SPECC1: variants seen among roughly 807,000 people sequenced by gnomAD.
The protein encoded by SPECC1 is sperm antigen with calponin homology and coiled-coil domains 1.
SPECC1 carries 62 observed loss-of-function variants against 104.1 expected under a neutral mutation model. The ratio of observed to expected loss-of-function variants is 0.60; its 90% CI spans 0.49 to 0.74. The LOEUF is 0.74. Among genes scored for constraint, SPECC1 ranks in the 30% least tolerant of loss-of-function variants. SPECC1 has a pLI of 0.00. For synonymous variants in SPECC1, 513 were observed against 501.6 expected, an observed-to-expected ratio of 1.02 and a Z score of -0.30; for missense variants, 1,306 against 1,310.5, an observed-to-expected ratio of 1.00 and a Z score of 0.05.
intron 1 of SPECC1, among the ~76,000 whole-genome samples, chr17:20,078,487 T>C (rs1331125823): frequency 6.6e-6 from 1 of 152,078 alleles, no homozygotes; most frequent in African/African-American, 2.4e-5. Context: ...ACGTGTCATT[T>C]CCCATGCAAC....
chr17:20,236,393 CTG>C (rs147190514), intron 7 of SPECC1, among the ~76,000 whole-genome samples: 37,717 of 151,996 alleles, frequency 0.25, 5,855 homozygotes, highest in African/African-American at 0.45. Context: ...TTCTAAAGAG[CTG>C]TGTCTGCCTC....
chr17:20,077,006 G>A (rs1597656599), intron 1 of SPECC1, among the ~76,000 whole-genome samples: 1 of 152,138 alleles, frequency 6.6e-6, no homozygotes, highest in East Asian at 1.9e-4. Flanking sequence ...TTATGGGATC[G>A]TAATGCTGGC....
chr17:20,082,963 TTCGTTCGTTC>T (rs1225179535), intron 1 of SPECC1, among the ~76,000 whole-genome samples: 6 of 42,908 alleles, frequency 1.4e-4, no homozygotes, highest in African/African-American at 3.9e-4. Context: ...TTGGTGTTCG[TTCGTTCGTTC>T]GTTCGTTCGT....
At chr17:20,028,186 C>T (rs911386567) in intron 1 of SPECC1, among the ~76,000 whole-genome samples, 5 of 150,230 alleles carry the variant, frequency 3.3e-5, no homozygotes, top group African/African-American at 1.2e-4. Flanking sequence ...GTCTTGTTGA[C>T]CTTTTTGAAA....
chr17:20,282,190 G>C (rs1371298873), intron 12 of SPECC1, among the ~76,000 whole-genome samples: 1 of 152,350 alleles, frequency 6.6e-6, no homozygotes. Context: ...AATGGAGGAA[G>C]CAAGAAAGAC....
chr17:20,104,320 G>A (rs768646421), intron 2 of SPECC1, among the ~76,000 whole-genome samples: 10 of 152,202 alleles, frequency 6.6e-5, no homozygotes, highest in Non-Finnish European at 1.3e-4. Context: ...ATTCTCTGCT[G>A]TTTGTGCTCT....
At chr17:20,159,244 G>A (rs8080892) in intron 3 of SPECC1, among the ~76,000 whole-genome samples, 5,952 of 152,162 alleles carry the variant, frequency 0.039, 226 homozygotes, top group African/African-American at 0.094. Context: ...CATGCCTGGC[G>A]TAGAGATGGG....
chr17:20,099,218 A>C (rs1482781643), intron 2 of SPECC1, among the ~76,000 whole-genome samples: 1 of 152,070 alleles, frequency 6.6e-6, no homozygotes, highest in Non-Finnish European at 1.5e-5. Flanking sequence ...TTTTGTTTTT[A>C]TTATTTTCAA....
chr17:20,110,637 C>CCCAT, intron 3 of SPECC1, 75 bp downstream of exon 3: 1 of 1,419,152 alleles, frequency 7.0e-7, no homozygotes, highest in East Asian at 2.6e-5. Flanking sequence ...TGACCCATGA[C>CCCAT]CCATCCATTC....
intron 3 of SPECC1, chr17:20,156,032 G>A: frequency 1.6e-6 from 2 of 1,277,636 alleles, no homozygotes; most frequent in East Asian, 3.2e-5. Context: ...GGAGAGCAGC[G>A]GCTCCGCCGG....
intron 1 of SPECC1, among the ~76,000 whole-genome samples, chr17:20,052,600 T>G (rs2045815803): frequency 6.6e-6 from 1 of 152,158 alleles, no homozygotes; most frequent in Non-Finnish European, 1.5e-5. Context: ...CAGTGACATC[T>G]CCAAGATACC....
Position 20,236,862 on chromosome 17 carries a change from C to T in SPECC1, c.2351+4457C>T, listed in dbSNP as rs774932112. ...CCCTCCCGTTTCTATTTTCACAGCTCCCTGGGCTCTGTCAGCTAGCAGAGC... is the reference window on the plus strand; with the variant it reads ...CCCTCCCGTTTCTATTTTCACAGCTTCCTGGGCTCTGTCAGCTAGCAGAGC... On this transcript the variant is annotated intron_variant, in intron 7 of 14. Transcript: ENST00000395527. The T allele has an allele frequency of 9.9e-6, 16 of 1,613,708 alleles. No individual in the cohort carries two copies. In the South Asian group the frequency reaches 1.5e-4, roughly 16 times the overall value.
intron 1 of SPECC1, among the ~76,000 whole-genome samples, chr17:20,023,703 T>G (rs1256790543): frequency 2.0e-5 from 3 of 152,076 alleles, no homozygotes; most frequent in Admixed American, 2.0e-4. Flanking sequence ...ATAGCAGGAA[T>G]GACAAGAAAG....
At chr17:20,172,894 A>G (rs144992999) in intron 3 of SPECC1, among the ~76,000 whole-genome samples, 157 of 152,314 alleles carry the variant, frequency 1.0e-3, no homozygotes, top group African/African-American at 3.4e-3. Context: ...CATTTTTCCT[A>G]GGTGATAGGT....
At chr17:20,299,555 CAAAAAAAA>C (rs57493380) in intron 13 of SPECC1, among the ~76,000 whole-genome samples, 486 of 40,370 alleles carry the variant, frequency 0.012, 4 homozygotes, top group African/African-American at 0.037. Context: ...GACCCTGTCT[CAAAAAAAA>C]AAAAAAAAAA....
At chr17:20,018,707 G>A (rs1408635641) in intron 1 of SPECC1, among the ~76,000 whole-genome samples, 2 of 152,228 alleles carry the variant, frequency 1.3e-5, no homozygotes. Context: ...AGGGAAAGGT[G>A]CATGGGGCCA....
intron 3 of SPECC1, among the ~76,000 whole-genome samples, chr17:20,199,048 T>G (rs1329379328): frequency 6.6e-6 from 1 of 151,754 alleles, no homozygotes; most frequent in African/African-American, 2.4e-5. Context: ...AGGCTACATA[T>G]GTGGTAATGG....
chr17:20,015,301 T>TAA (rs985036090), intron 1 of SPECC1, among the ~76,000 whole-genome samples: 7 of 151,706 alleles, frequency 4.6e-5, no homozygotes, highest in Admixed American at 2.6e-4. Context: ...TAATTTAATT[T>TAA]TTTTTTTTTT....
intron 3 of SPECC1, among the ~76,000 whole-genome samples, chr17:20,197,321 A>G (rs2036101234): frequency 6.6e-6 from 1 of 152,192 alleles, no homozygotes. Flanking sequence ...TGGCTTTTGA[A>G]CTTTACCTAA....
Sources: gnomAD v4.1 joint callset for allele counts (sites outside exome capture counted in the v4.1 genomes callset) on GRCh38, gnomAD v4.1.1 for gene constraint, MANE v1.5 for transcripts, NCBI Gene and HGNC (gene_info 2026-07-23, HGNC 2026-07-21) for gene names.